The following HES2 variants were observed in gnomAD, a reference collection of about 807,000 sequenced individuals.
The protein encoded by HES2 is hes family bHLH transcription factor 2, also known as transcription factor HES-2.
A neutral mutation model predicts 11.9 loss-of-function variants in HES2; 11 were observed. The ratio of observed to expected loss-of-function variants is 0.92; its 90% CI spans 0.58 to 1.53. The LOEUF is 1.53. HES2 is among the 40% of genes most tolerant of loss of function. The pLI is 0.00. For missense variants in HES2, 260 were observed against 253.8 expected, an observed-to-expected ratio of 1.02 and a Z score of -0.16; for synonymous variants, 125 against 122.8, an observed-to-expected ratio of 1.02 and a Z score of -0.12.
In HES2 at chr1:6,419,099, C is replaced by T; in HGVS notation, c.296G>A (p.Arg99His). Residue 99 changes from arginine to histidine, a missense_variant, in exon 4 of 4, where the codon CGC becomes CAC. Physicochemically the swap from Arg to His is conservative, Grantham distance 29 (BLOSUM62 0). Coordinates refer to ENST00000377834, the MANE Select transcript of HES2 (RefSeq NM_019089.5). This position sits in a 1 kb window ranked among gnomAD's most constrained non-coding sequence, Gnocchi z 8.1. ...GYSACVARLARVLPACRVLEP... is the reference protein window; with the variant it reads ...GYSACVARLAHVLPACRVLEP... ...CAGGACACGGCAGGCGGGCAGCACG[C>T]GGGCCAGGCGCGCCACACAGGCGCT... The T allele has an allele frequency of 6.7e-7, 1 of 1,503,260 alleles. No individual in the cohort carries two copies. The highest frequency in any genetic ancestry group is 8.8e-7 in the Non-Finnish European group (1 of 1,134,412). The allele number at this position is 1,503,260 out of a possible 1,614,324, so 93.1% of individuals were successfully genotyped here. A position where few individuals can be genotyped will look rare whatever the true frequency, so the allele number is the denominator to read the frequency against.
At position 6,419,403 on chromosome 1, in the gene HES2, G is replaced by T; in HGVS notation, c.142-63C>A. On this transcript the variant is annotated intron_variant, in intron 2 of 3. Transcript: ENST00000377834. This position sits in a 1 kb window ranked among gnomAD's most constrained non-coding sequence, Gnocchi z 8.1. ...CAAGACAGAACTTTGGCCGGCTACC[G>T]TGCGCACCCTCGCTCTAGTCGGGAG... The T allele has an allele frequency of 1.4e-6, 2 of 1,419,654 alleles. No individual in the cohort carries two copies. The highest frequency in any genetic ancestry group is 1.9e-6 in the Non-Finnish European group (2 of 1,034,148). The allele number at this position is 1,419,654 out of a possible 1,614,324, so 87.9% of individuals were successfully genotyped here. A position where few individuals can be genotyped will look rare whatever the true frequency, so the allele number is the denominator to read the frequency against.
In HES2 at chr1:6,418,849, A is replaced by C; in HGVS notation, c.*24T>G. On this transcript the variant is annotated 3_prime_UTR_variant, in exon 4 of 4. Transcript: ENST00000377834. ...TGCCCCAAGGTCCCAAGCAGTCGGC[A>C]GGGTCTGTGGATCGGCCGAGGGGCT... 1 of 1,296,580 alleles carries C rather than the reference A, an allele frequency of 7.7e-7. No homozygotes were observed. Among genetic ancestry groups the C allele is most frequent in the Non-Finnish European group, 9.7e-7 (1 of 1,028,460 alleles). The allele number at this position is 1,296,580 out of a possible 1,614,324, so 80.3% of individuals were successfully genotyped here.
Position 6,419,410 on chromosome 1 carries a change from C to A in HES2, c.142-70G>T. Reference sequence around the variant, plus strand: ...GAACTTTGGCCGGCTACCGTGCGCACCCTCGCTCTAGTCGGGAGCTGGGTG... The same window carrying A: ...GAACTTTGGCCGGCTACCGTGCGCAACCTCGCTCTAGTCGGGAGCTGGGTG... On this transcript the variant is annotated intron_variant, in intron 2 of 3. Coordinates refer to ENST00000377834, the MANE Select transcript of HES2 (RefSeq NM_019089.5). The surrounding 1 kb of genome is among the most constrained non-coding windows in gnomAD (Gnocchi z 8.1). 2 of 1,383,704 alleles carry A rather than the reference C, an allele frequency of 1.4e-6. No individual in the cohort carries two copies. The highest frequency in any genetic ancestry group is 2.0e-6 in the Non-Finnish European group (2 of 1,006,804). 85.7% of individuals were successfully genotyped at this position (1,383,704 alleles called of 1,614,324 possible). A position where few individuals can be genotyped will look rare whatever the true frequency, so the allele number is the denominator to read the frequency against.
At position 6,419,797 on chromosome 1, in the gene HES2, C is replaced by T; in HGVS notation, c.24G>A (p.Gly8=). The T allele has an allele frequency of 6.4e-7, 1 of 1,562,370 alleles. No homozygotes were observed. Among genetic ancestry groups the T allele is most frequent in the South Asian group, 1.2e-5 (1 of 84,520 alleles). The stretch of plus-strand genomic sequence containing the variant: ...CCACCTTGCGCAGCTCCGCCGCGTC[C>T]CCTGCCCGGCGAGGCAGCCCCATGC... MGLPRRA[G]DAAELRKSLK... The change falls in exon 1 of 4, where the codon GGG becomes GGA. Residue 8 remains glycine, a synonymous_variant. Transcript: ENST00000377834. The surrounding 1 kb of genome is among the most constrained non-coding windows in gnomAD (Gnocchi z 8.1).
rs777985221 is a variant in HES2 at position 6,419,619 on chromosome 1, C to A, written c.129G>T (p.Leu43=). 16 of 1,538,978 alleles carry A rather than the reference C, an allele frequency of 1.0e-5. No homozygotes were observed. Among genetic ancestry groups the A allele is most frequent in the Middle Eastern group, 2.2e-4 (1 of 4,464 alleles). The part of the protein sequence containing the change: ...LSQLKGLILP[L]LGRENSNCSK... Reference sequence around the variant, plus strand: ...CGGGCGCGCTCACCTCCCGGCCCAGCAGCGGCAGGATGAGCCCCTTAAGCT... The same window carrying A: ...CGGGCGCGCTCACCTCCCGGCCCAGAAGCGGCAGGATGAGCCCCTTAAGCT... Residue 43 remains leucine (L), a synonymous_variant, in exon 2 of 4, where the codon CTG becomes CTT. Coordinates refer to ENST00000377834, the MANE Select transcript of HES2 (RefSeq NM_019089.5). This position sits in a 1 kb window ranked among gnomAD's most constrained non-coding sequence, Gnocchi z 8.1.
At position 6,419,646 on chromosome 1, in the gene HES2, G is replaced by T. The variant is rs757571964; in HGVS notation, c.102C>A (p.Ser34Arg). 6.4e-7 allele frequency: 1 copy of T among 1,552,586 alleles called. No individual in the cohort carries two copies. The highest frequency in any genetic ancestry group is 1.2e-5 in the South Asian group (1 of 84,428). The change falls in exon 2 of 4, where the codon AGC (serine) becomes AGA (arginine). Residue 34 changes from serine to arginine, a missense_variant. Physicochemically the swap from Ser to Arg is moderately radical, Grantham distance 110 (BLOSUM62 -1). Coordinates refer to ENST00000377834, the MANE Select transcript of HES2 (RefSeq NM_019089.5). This position sits in a 1 kb window ranked among gnomAD's most constrained non-coding sequence, Gnocchi z 8.1. The stretch of plus-strand genomic sequence containing the variant: ...GCGGCAGGATGAGCCCCTTAAGCTG[G>T]CTCAGGCTCTGGTTGATGCGCGCGC... The part of the protein sequence containing the change: ...RRRARINQSL[S>R]QLKGLILPLL...
At position 6,419,700 on chromosome 1, in the gene HES2, G is replaced by T. The variant is rs1374570440; in HGVS notation, c.48C>A (p.Ser16Arg). 1.9e-6 allele frequency: 3 copies of T among 1,555,100 alleles called. No individual in the cohort carries two copies. The highest frequency in any genetic ancestry group is 2.4e-5 in the South Asian group (2 of 84,594). ...GGCGCTTCTCCAGCAGCGGCTTCAG[G>T]CTCTGCGGACGGGCGGCGCGGTGGT... is the stretch of plus-strand genomic sequence containing the variant. The part of the protein sequence containing the change: ...RAGDAAELRK[S>R]LKPLLEKRRR... Residue 16 changes from serine to arginine, a missense_variant and splice_region_variant, in exon 2 of 4, where the codon AGC becomes AGA. Coordinates refer to ENST00000377834, the MANE Select transcript of HES2 (RefSeq NM_019089.5). The surrounding 1 kb of genome is among the most constrained non-coding windows in gnomAD (Gnocchi z 8.1).
chr1:6,418,884 G>A lies in HES2; in HGVS notation c.511C>T (p.Arg171Trp). The A allele has an allele frequency of 7.7e-7, 1 of 1,306,010 alleles. No individual in the cohort carries two copies. 80.9% of individuals were successfully genotyped at this position (1,306,010 alleles called of 1,614,324 possible). A position where few individuals can be genotyped will look rare whatever the true frequency, so the allele number is the denominator to read the frequency against. Residue 171 changes from arginine to tryptophan, a missense_variant, in exon 4 of 4, where the codon CGG (arginine) becomes TGG (tryptophan). Arg to Trp is a moderately radical substitution (Grantham distance 101). Transcript: ENST00000377834. ...PSPPCGPGLW[R>W]PW ...GATCGGCCGAGGGGCTACCACGGCCGCCAGAGGCCAGGGCCGCAGGGAGGC... is the reference window on the plus strand; with the variant it reads ...GATCGGCCGAGGGGCTACCACGGCCACCAGAGGCCAGGGCCGCAGGGAGGC...
chr1:6,419,117 C>G lies in HES2; in HGVS notation c.278G>C (p.Cys93Ser). The change falls in exon 4 of 4, where the codon TGT becomes TCT. Residue 93 changes from cysteine to serine, a missense_variant. By Grantham distance (112) the Cys-to-Ser change is moderately radical. Coordinates refer to ENST00000377834, the MANE Select transcript of HES2 (RefSeq NM_019089.5). The surrounding 1 kb of genome is among the most constrained non-coding windows in gnomAD (Gnocchi z 8.1). Reference protein sequence around the residue: ...CDSYREGYSACVARLARVLPA... With the variant: ...CDSYREGYSASVARLARVLPA... Reference sequence around the variant, plus strand: ...CAGCACGCGGGCCAGGCGCGCCACACAGGCGCTGTAGCCCTCGCGGTAGCT... The same window carrying G: ...CAGCACGCGGGCCAGGCGCGCCACAGAGGCGCTGTAGCCCTCGCGGTAGCT... 6.6e-7 allele frequency: 1 copy of G among 1,513,464 alleles called. No individual in the cohort carries two copies. Among genetic ancestry groups the G allele is most frequent in the Non-Finnish European group, 8.8e-7 (1 of 1,138,608 alleles). The allele number at this position is 1,513,464 out of a possible 1,614,324, so 93.8% of individuals were successfully genotyped here.
At position 6,419,123 on chromosome 1, in the gene HES2, C is replaced by G. The variant is rs1396285417; in HGVS notation, c.272G>C (p.Ser91Thr). 9.9e-6 allele frequency: 15 copies of G among 1,521,278 alleles called. No individual in the cohort carries two copies. Among genetic ancestry groups the G allele is most frequent in the Non-Finnish European group, 1.3e-5 (15 of 1,141,780 alleles). The allele number at this position is 1,521,278 out of a possible 1,614,324, so 94.2% of individuals were successfully genotyped here. The change falls in exon 4 of 4, where the codon AGC becomes ACC. Residue 91 changes from serine to threonine, a missense_variant. Transcript: ENST00000377834. This position sits in a 1 kb window ranked among gnomAD's most constrained non-coding sequence, Gnocchi z 8.1. Reference protein sequence around the residue: ...LPCDSYREGYSACVARLARVL... With the variant: ...LPCDSYREGYTACVARLARVL... ...GCGGGCCAGGCGCGCCACACAGGCG[C>G]TGTAGCCCTCGCGGTAGCTGTCGCA...
chr1:6,419,858 C>T lies in HES2; in HGVS notation c.-38G>A. On this transcript the variant is annotated 5_prime_UTR_variant, in exon 1 of 4. Transcript: ENST00000377834. The surrounding 1 kb of genome is among the most constrained non-coding windows in gnomAD (Gnocchi z 8.1). ...AGCGGTGGCAGCTGCGAGCCCCACG[C>T]AAAGGGAAACCGAGGTCCGAAATGA... 2 of 1,525,184 alleles carry T rather than the reference C, an allele frequency of 1.3e-6. No homozygotes were observed. The highest frequency in any genetic ancestry group is 1.8e-6 in the Non-Finnish European group (2 of 1,140,554). 94.5% of individuals were successfully genotyped at this position (1,525,184 alleles called of 1,614,324 possible).
chr1:6,419,889 C>T lies in HES2; in HGVS notation c.-69G>A. 1 of 1,455,630 alleles carries T rather than the reference C, an allele frequency of 6.9e-7. No homozygotes were observed. Among genetic ancestry groups the T allele is most frequent in the South Asian group, 1.4e-5 (1 of 71,032 alleles). 90.2% of individuals were successfully genotyped at this position (1,455,630 alleles called of 1,614,324 possible). ...GAAACCGAGGTCCGAAATGAGGTCC[C>T]GGGCGCGGCCCGGGCTGGTGCCAGA... On this transcript the variant is annotated 5_prime_UTR_variant, in exon 1 of 4. Transcript: ENST00000377834. The surrounding 1 kb of genome is among the most constrained non-coding windows in gnomAD (Gnocchi z 8.1).
chr1:6,418,546 G>A lies in HES2; in HGVS notation c.*327C>T, dbSNP rs572140105. 20 of 270,590 alleles carry A rather than the reference G, an allele frequency of 7.4e-5. No homozygotes were observed. The South Asian group carries it at 1.5e-3, about 20-fold the overall frequency. 16.8% of individuals were successfully genotyped at this position (270,590 alleles called of 1,614,324 possible). On this transcript the variant is annotated 3_prime_UTR_variant, in exon 4 of 4. Transcript: ENST00000377834. ...GTGCCAGTGCTGGGGTGGGTGTGTC[G>A]GCTGCCCACGCAGCTGCGGGGTCCA...
rs1380749383 is a variant in HES2 at position 6,415,407 on chromosome 1, A to T, written c.*3466T>A. ...TTTCGCAATTCTTGCAATATTTCAA[A>T]CTTCTTCCTTATTATATCTGTTGTG... On this transcript the variant is annotated 3_prime_UTR_variant, in exon 4 of 4. Coordinates refer to ENST00000377834, the MANE Select transcript of HES2 (RefSeq NM_019089.5). 6.6e-6 allele frequency: 1 copy of T among 151,580 alleles called. No homozygotes were observed. The highest frequency in any genetic ancestry group is 1.5e-5 in the Non-Finnish European group (1 of 67,930). 9.4% of individuals were successfully genotyped at this position (151,580 alleles called of 1,614,324 possible). A position where few individuals can be genotyped will look rare whatever the true frequency, so the allele number is the denominator to read the frequency against.
chr1:6,419,234 C>A lies in HES2; in HGVS notation c.241+7G>T. ...AGCGCGCGGCAGGGCAGGGAGGGCT[C>A]ACTCACGGGGCGCTGCCGTGGGCCA... On this transcript the variant is annotated splice_region_variant and intron_variant, in intron 3 of 3. Coordinates refer to ENST00000377834, the MANE Select transcript of HES2 (RefSeq NM_019089.5). The surrounding 1 kb of genome is among the most constrained non-coding windows in gnomAD (Gnocchi z 8.1). 1.9e-6 allele frequency: 3 copies of A among 1,606,704 alleles called. No homozygotes were observed. The highest frequency in any genetic ancestry group is 8.5e-7 in the Non-Finnish European group (1 of 1,178,180).
At position 6,415,647 on chromosome 1, in the gene HES2, TG is replaced by T. The variant is rs900708007; in HGVS notation, c.*3225del. 3.9e-5 allele frequency: 6 copies of T among 152,224 alleles called. No homozygotes were observed. Among genetic ancestry groups the T allele is most frequent in the Non-Finnish European group, 8.8e-5 (6 of 68,070 alleles). The allele number at this position is 152,224 out of a possible 1,614,324, so 9.4% of individuals were successfully genotyped here. A position where few individuals can be genotyped will look rare whatever the true frequency, so the allele number is the denominator to read the frequency against. On this transcript the variant is annotated 3_prime_UTR_variant, in exon 4 of 4. Transcript: ENST00000377834. ...GATTCGACCTCTCCTAATCACCTGG[TG>T]CCCGAGGAGCAGGTAGGCGCCTGTC...
rs1368308669 is a variant in HES2, at chr1:6,415,880, C to T, written c.*2993G>A. The T allele has an allele frequency of 6.6e-6, 1 of 152,328 alleles. No homozygotes were observed. Among genetic ancestry groups the T allele is most frequent in the Admixed American group, 6.5e-5 (1 of 15,284 alleles). 9.4% of individuals were successfully genotyped at this position (152,328 alleles called of 1,614,324 possible). A position where few individuals can be genotyped will look rare whatever the true frequency, so the allele number is the denominator to read the frequency against. On this transcript the variant is annotated 3_prime_UTR_variant, in exon 4 of 4. Transcript: ENST00000377834. ...TGCAACCTCCACCTCCTGGGTTCAA[C>T]TGATTATCCCTCCTCAGCCTCCCAA...
chr1:6,416,803 C>T lies in HES2; in HGVS notation c.*2070G>A, dbSNP rs1269055648. On this transcript the variant is annotated 3_prime_UTR_variant, in exon 4 of 4. Transcript: ENST00000377834. ...TGCCTGATGTGGAGTCCTAGGCGGG[C>T]TTGGGCCGCAGGTTACCTGCTCCCG... is the stretch of plus-strand genomic sequence containing the variant. The T allele has an allele frequency of 4.6e-5, 7 of 152,258 alleles. No individual in the cohort carries two copies. The highest frequency in any genetic ancestry group is 4.6e-4 in the Admixed American group (7 of 15,274). 9.4% of individuals were successfully genotyped at this position (152,258 alleles called of 1,614,324 possible).
At position 6,419,438 on chromosome 1, in the gene HES2, G is replaced by C; in HGVS notation, c.142-98C>G. The C allele has an allele frequency of 2.4e-6, 3 of 1,245,718 alleles. No individual in the cohort carries two copies. Among genetic ancestry groups the C allele is most frequent in the Non-Finnish European group, 3.3e-6 (3 of 897,492 alleles). The allele number at this position is 1,245,718 out of a possible 1,614,324, so 77.2% of individuals were successfully genotyped here. A position where few individuals can be genotyped will look rare whatever the true frequency, so the allele number is the denominator to read the frequency against. ...TCGCTCTAGTCGGGAGCTGGGTGTG[G>C]GGCGCGCCGTGGCCTGCTGGGGGTC... On this transcript the variant is annotated intron_variant, in intron 2 of 3. Coordinates refer to ENST00000377834, the MANE Select transcript of HES2 (RefSeq NM_019089.5). The surrounding 1 kb of genome is among the most constrained non-coding windows in gnomAD (Gnocchi z 8.1).
Sources: allele counts gnomAD v4.1 joint callset, GRCh38; gene constraint gnomAD v4.1.1; non-coding constraint Gnocchi (gnomAD v3.1); transcripts MANE v1.5; gene names NCBI Gene and HGNC (gene_info 2026-07-23, HGNC 2026-07-21).